Variants in CATSPERE observed in about 807,000 individuals in gnomAD.
CATSPERE encodes cation channel sperm-associated auxiliary subunit epsilon.
CATSPERE carries 93 observed loss-of-function variants against 114.1 expected under a neutral mutation model. The observed-to-expected ratio is 0.81, with a 90% confidence interval of 0.69 to 0.97. The LOEUF is 0.97. CATSPERE is among the 50% of genes least tolerant of loss of function. The pLI, the probability that CATSPERE is intolerant of heterozygous loss-of-function variation, is 0.00. For synonymous variants in CATSPERE, 341 were observed against 384.1 expected (o/e 0.89, Z 1.31); for missense variants, 1,058 against 1,131.6 (o/e 0.93, Z 0.93).
chr1:244,512,528 T>G (rs1289567485), intron 7 of CATSPERE, among the ~76,000 whole-genome samples: 2 of 152,180 alleles, frequency 1.3e-5, no homozygotes, highest in African/African-American at 4.8e-5. Flanking sequence ...CTGAGTTTCT[T>G]TATTGTCATT....
chr1:244,471,017 G>A (rs1008828464), intron 2 of CATSPERE, among the ~76,000 whole-genome samples: 1 of 152,226 alleles, frequency 6.6e-6, no homozygotes, highest in Non-Finnish European at 1.5e-5. Flanking sequence ...GGGAGATAGG[G>A]CTGGGGTGGT....
intron 8 of CATSPERE, among the ~76,000 whole-genome samples, chr1:244,541,368 A>G (rs1055362512): frequency 3.3e-5 from 5 of 150,102 alleles, no homozygotes; most frequent in African/African-American, 1.2e-4. Context: ...GCACTTCTCA[A>G]AAGAAGACAT....
intron 17 of CATSPERE, among the ~76,000 whole-genome samples, chr1:244,594,032 A>G (rs962051926): frequency 1.3e-5 from 2 of 152,230 alleles, no homozygotes; most frequent in South Asian, 4.1e-4. Flanking sequence ...CTTATAGACA[A>G]TATTTCAGCC....
Position 244,617,681 on chromosome 1 carries a change from C to CA in CATSPERE, c.2643_2644insA (p.Tyr882IlefsTer2), listed in dbSNP as rs1475888108. ...TTCGTGTGAAGATCCTGGATCCAAA[C>CA]TATAGGTGAATATATGTGTTACTGT... On this transcript the variant is annotated frameshift_variant, in exon 20 of 22. Transcript: ENST00000366534. LOFTEE classifies it high-confidence loss of function. 3 of 1,534,044 alleles carry CA rather than the reference C, an allele frequency of 2.0e-6. No individual in the cohort carries two copies. Among genetic ancestry groups the CA allele is most frequent in the African/African-American group, 1.4e-5 (1 of 71,718 alleles).
intron 7 of CATSPERE, among the ~76,000 whole-genome samples, chr1:244,509,045 C>A (rs1446387972): frequency 6.6e-6 from 1 of 151,654 alleles, no homozygotes; most frequent in East Asian, 1.9e-4. Context: ...TATTTTCCAA[C>A]CTTGATCCTT....
At chr1:244,594,459 A>T (rs978627155) in intron 17 of CATSPERE, among the ~76,000 whole-genome samples, 2 of 152,250 alleles carry the variant, frequency 1.3e-5, no homozygotes, top group Non-Finnish European at 2.9e-5. Context: ...TATAAAAGTT[A>T]TACAGCTTGT....
chr1:244,626,943 G>A (rs972493622), intron 20 of CATSPERE, among the ~76,000 whole-genome samples: 2 of 152,076 alleles, frequency 1.3e-5, no homozygotes, highest in Non-Finnish European at 2.9e-5. Flanking sequence ...TTGCATTCAC[G>A]ATGTGGCTAA....
chr1:244,605,512 T>C (rs1182071574), intron 17 of CATSPERE, among the ~76,000 whole-genome samples, 183 bp from the exon 18 acceptor site: 1 of 152,178 alleles, frequency 6.6e-6, no homozygotes, highest in African/African-American at 2.4e-5. Flanking sequence ...GGTACTGTTA[T>C]TATTTTACAG....
chr1:244,494,508 C>T (rs984508482), intron 6 of CATSPERE, among the ~76,000 whole-genome samples: 5 of 147,572 alleles, frequency 3.4e-5, no homozygotes, highest in East Asian at 2.0e-4. Flanking sequence ...TGCTAAATGA[C>T]GAGTTAATGG....
upstream of CATSPERE, among the ~76,000 whole-genome samples, chr1:244,454,070 C>T (rs1050424286): frequency 2.0e-5 from 3 of 152,136 alleles, no homozygotes; most frequent in Non-Finnish European, 4.4e-5. Context: ...TCTTTGTGTG[C>T]GTTTGTATAT....
At chr1:244,495,546 C>T (rs149055380) in intron 6 of CATSPERE, among the ~76,000 whole-genome samples, 568 of 152,122 alleles carry the variant, frequency 3.7e-3, no homozygotes, top group African/African-American at 0.013. Flanking sequence ...CACAGTGAAA[C>T]CCAGTCTCTA....
upstream of CATSPERE, chr1:244,457,352 G>C (rs946037447): frequency 1.5e-4 from 23 of 152,060 alleles, no homozygotes; most frequent in African/African-American, 5.3e-4. Context: ...AATTAAAACT[G>C]GATATATAAA....
At chr1:244,574,762 G>T (rs532001462) in intron 11 of CATSPERE, among the ~76,000 whole-genome samples, 71 of 152,278 alleles carry the variant, frequency 4.7e-4, no homozygotes, top group African/African-American at 1.7e-3. Context: ...TCTTGGAAGT[G>T]TCTGACTTCA....
intron 15 of CATSPERE, 25 bp downstream of exon 15, chr1:244,591,756 C>T: frequency 1.4e-6 from 2 of 1,399,692 alleles, no homozygotes; most frequent in South Asian, 2.4e-5. Context: ...AACATAAGCA[C>T]TGAGTTTTAT....
intron 8 of CATSPERE, among the ~76,000 whole-genome samples, chr1:244,549,088 G>A (rs989168060): frequency 2.0e-5 from 3 of 152,168 alleles, no homozygotes; most frequent in Non-Finnish European, 4.4e-5. Flanking sequence ...TGGAGATAAG[G>A]CAGACTATGT....
At chr1:244,479,638 T>C in intron 4 of CATSPERE, 79 bp from the exon 5 acceptor site, 1 of 768,186 alleles carries the variant, frequency 1.3e-6, no homozygotes, top group Admixed American at 2.2e-5. Context: ...TTACTTCCTC[T>C]GTGACTTCTG....
chr1:244,556,045 A>G (rs1328939606), intron 9 of CATSPERE, among the ~76,000 whole-genome samples: 1 of 152,100 alleles, frequency 6.6e-6, no homozygotes, highest in Non-Finnish European at 1.5e-5. Flanking sequence ...AAAAATTTAA[A>G]AAGTTAATCT....
chr1:244,594,980 T>C (rs1668201890), intron 17 of CATSPERE, among the ~76,000 whole-genome samples: 1 of 152,056 alleles, frequency 6.6e-6, no homozygotes, highest in Admixed American at 6.5e-5. Flanking sequence ...TGTCACTGCT[T>C]TTCCTGGGCA....
intron 20 of CATSPERE, among the ~76,000 whole-genome samples, chr1:244,625,402 T>TTAATATA (rs1357297236): frequency 8.7e-5 from 4 of 45,962 alleles, no homozygotes; most frequent in African/African-American, 3.8e-4. Context: ...ATTATTATTA[T>TTAATATA]TATTTATATA....
Sources: gnomAD v4.1 joint callset for allele counts (sites outside exome capture counted in the v4.1 genomes callset) on GRCh38, gnomAD v4.1.1 for gene constraint, MANE v1.5 for transcripts, NCBI Gene and HGNC (gene_info 2026-07-23, HGNC 2026-07-21) for gene names.